Variants in SLC24A2 observed in about 807,000 individuals in gnomAD.
SLC24A2 encodes the protein sodium/potassium/calcium exchanger 2.
SLC24A2 carries 36 observed loss-of-function variants against 62.0 expected under a neutral mutation model. That is an observed-to-expected ratio of 0.58 (90% CI 0.44 to 0.77). The LOEUF is 0.77. Among genes scored for constraint, SLC24A2 ranks in the 30% least tolerant of loss-of-function variants. The pLI, the probability that SLC24A2 is intolerant of heterozygous loss-of-function variation, is 0.00. For missense variants in SLC24A2, 846 were observed against 817.9 expected, an observed-to-expected ratio of 1.03 and a Z score of -0.42; for synonymous variants, 358 against 294.0, an observed-to-expected ratio of 1.22 and a Z score of -2.23.
intron 7 of SLC24A2, among the ~76,000 whole-genome samples, chr9:19,553,834 T>C (rs1229623704): frequency 6.6e-6 from 1 of 152,200 alleles, no homozygotes; most frequent in Non-Finnish European, 1.5e-5. Context: ...ATTACTGCAG[T>C]ATTTATCCAG....
At chr9:19,824,408 C>G in the SLC24A2 span, among the ~76,000 whole-genome samples, 1 of 152,050 alleles carries the variant, frequency 6.6e-6, no homozygotes, top group Non-Finnish European at 1.5e-5. Flanking sequence ...AGCCAACAAA[C>G]ATATGAAAAA....
chr9:19,766,933 G>C (rs774792425), intron 2 of SLC24A2, among the ~76,000 whole-genome samples: 6 of 152,144 alleles, frequency 3.9e-5, no homozygotes, highest in Non-Finnish European at 8.8e-5. Context: ...AGGGAGATGG[G>C]AGTTTTATCT....
At chr9:20,148,042 G>C in the SLC24A2 span, among the ~76,000 whole-genome samples, 1 of 152,054 alleles carries the variant, frequency 6.6e-6, no homozygotes, top group Non-Finnish European at 1.5e-5. Flanking sequence ...TCTAGAGTCA[G>C]ATGGGTACTA....
the SLC24A2 span, among the ~76,000 whole-genome samples, chr9:20,276,954 A>AT: frequency 1.3e-5 from 2 of 151,780 alleles, no homozygotes; most frequent in African/African-American, 4.8e-5. Context: ...CCATGAAACC[A>AT]TTTTTTCCTC....
At chr9:20,043,738 T>C in the SLC24A2 span, among the ~76,000 whole-genome samples, 2 of 152,166 alleles carry the variant, frequency 1.3e-5, no homozygotes, top group African/African-American at 2.4e-5. Context: ...TTGCTTCTTA[T>C]GGAGGAGGAA....
the SLC24A2 span, among the ~76,000 whole-genome samples, chr9:20,280,477 G>A: frequency 6.6e-6 from 1 of 152,166 alleles, no homozygotes; most frequent in Non-Finnish European, 1.5e-5. Flanking sequence ...TGGTAAGGGA[G>A]GTCTGGGCTG....
chr9:19,774,872 A>G (rs947756376), intron 2 of SLC24A2, among the ~76,000 whole-genome samples: 2 of 152,182 alleles, frequency 1.3e-5, no homozygotes, highest in Admixed American at 6.5e-5. Flanking sequence ...TGACCTAACT[A>G]TCTCTTCTGT....
chr9:19,904,093 T>C, the SLC24A2 span, among the ~76,000 whole-genome samples: 1 of 152,170 alleles, frequency 6.6e-6, no homozygotes, highest in East Asian at 1.9e-4. Flanking sequence ...AGCAAAGACC[T>C]GCCAGGACCT....
At chr9:19,561,529 G>C (rs1307099331) in intron 7 of SLC24A2, among the ~76,000 whole-genome samples, 7 of 150,190 alleles carry the variant, frequency 4.7e-5, no homozygotes, top group Admixed American at 1.3e-4. Flanking sequence ...CCGCCTCCTG[G>C]GTTCAAGGGA....
the SLC24A2 span, among the ~76,000 whole-genome samples, chr9:19,836,622 G>C: frequency 3.3e-5 from 5 of 152,146 alleles, no homozygotes; most frequent in African/African-American, 1.2e-4. Flanking sequence ...GGACCAGATG[G>C]ATTCACAGCC....
the SLC24A2 span, among the ~76,000 whole-genome samples, chr9:20,291,995 G>T: frequency 1.3e-5 from 2 of 152,150 alleles, no homozygotes; most frequent in African/African-American, 4.8e-5. Flanking sequence ...ACTAGAAAGG[G>T]TGTCAGGTGG....
chr9:20,091,887 T>A, the SLC24A2 span, among the ~76,000 whole-genome samples: 1 of 152,138 alleles, frequency 6.6e-6, no homozygotes, highest in Non-Finnish European at 1.5e-5. Context: ...ATGGTACATA[T>A]ATACCATGGA....
intron 4 of SLC24A2, among the ~76,000 whole-genome samples, chr9:19,598,606 T>C (rs1836766331): frequency 6.6e-6 from 1 of 152,022 alleles, no homozygotes; most frequent in African/African-American, 2.4e-5. Flanking sequence ...GAATTTTGTA[T>C]AAATAGAAAG....
the SLC24A2 span, among the ~76,000 whole-genome samples, chr9:20,103,409 G>C: frequency 6.6e-6 from 1 of 152,202 alleles, no homozygotes; most frequent in Non-Finnish European, 1.5e-5. Context: ...GTGGGTCCCT[G>C]ACCCCTGACC....
the SLC24A2 span, among the ~76,000 whole-genome samples, chr9:20,259,175 G>C: frequency 6.6e-6 from 1 of 152,132 alleles, no homozygotes; most frequent in Non-Finnish European, 1.5e-5. Flanking sequence ...TTCTCCCCTA[G>C]AGCCTCCAGG....
chr9:19,641,887 T>G (rs1818504407), intron 2 of SLC24A2, among the ~76,000 whole-genome samples: 1 of 152,174 alleles, frequency 6.6e-6, no homozygotes, highest in African/African-American at 2.4e-5. Context: ...TTTCTTCTCC[T>G]TTTCTCCCAC....
chr9:20,076,690 A>G, the SLC24A2 span, among the ~76,000 whole-genome samples: 187 of 152,122 alleles, frequency 1.2e-3, 2 homozygotes, highest in East Asian at 0.019. Context: ...AAAGGGAAGA[A>G]CAAGTTCCTG....
chr9:20,067,657 T>C, the SLC24A2 span, among the ~76,000 whole-genome samples: 1 of 152,158 alleles, frequency 6.6e-6, no homozygotes, highest in Non-Finnish European at 1.5e-5. Flanking sequence ...TGTTCCTGCA[T>C]TAATTCGGTC....
chr9:20,279,569 T>A, the SLC24A2 span, among the ~76,000 whole-genome samples: 26 of 152,132 alleles, frequency 1.7e-4, no homozygotes, highest in African/African-American at 5.6e-4. Flanking sequence ...GGCTATTTTT[T>A]AAAAAGCTAT....
Sources: gnomAD v4.1 joint callset for allele counts (sites outside exome capture counted in the v4.1 genomes callset) on GRCh38, gnomAD v4.1.1 for gene constraint, MANE v1.5 for transcripts, NCBI Gene and HGNC (gene_info 2026-07-23, HGNC 2026-07-21) for gene names.